The following ACY3 variants were observed in gnomAD, a reference collection of about 807,000 sequenced individuals.
The protein encoded by ACY3 is N-acyl-aromatic-L-amino acid amidohydrolase (carboxylate-forming).
A neutral mutation model predicts 24.6 loss-of-function variants in ACY3; 20 were observed. The observed-to-expected ratio is 0.81, with a 90% CI of 0.57 to 1.18. The LOEUF (loss-of-function observed/expected upper bound fraction) is 1.18. ACY3 is among the 50% of genes most tolerant of loss of function. The pLI is 0.00. For missense variants in ACY3, 423 were observed against 426.8 expected (o/e 0.99, Z 0.08); for synonymous variants, 174 against 188.4 (o/e 0.92, Z 0.62).
chr11:67,644,828 C>T lies in ACY3; in HGVS notation c.676G>A (p.Val226Met), dbSNP rs1381952209. 59 of 1,584,596 alleles carry T rather than the reference C, an allele frequency of 3.7e-5. No homozygotes were observed. The highest frequency in any genetic ancestry group is 4.6e-5 in the East Asian group (2 of 43,138). The change falls in exon 7 of 8, where the codon GTG (valine) becomes ATG (methionine). Residue 226 changes from valine to methionine, a missense_variant. Val to Met is a conservative substitution (Grantham distance 21). Transcript: ENST00000255082. ...GTGCGGGGGAAGTCCACGACGCCCA[C>T]GGGTCTATAGGCTTCCATCTCAAAG... Reference protein sequence around the residue: ...PAFEMEAYRPVGVVDFPRTEA... With the variant: ...PAFEMEAYRPMGVVDFPRTEA...
intron 1 of ACY3, among the ~76,000 whole-genome samples, chr11:67,648,462 A>G (rs1855556810): frequency 6.6e-6 from 1 of 152,064 alleles, no homozygotes; most frequent in Admixed American, 6.5e-5. Flanking sequence ...ACCTCCCACC[A>G]GGCTCAGCTG....
intron 7 of ACY3, 24 bp from the exon 8 acceptor site, chr11:67,642,963 G>A: frequency 6.2e-7 from 1 of 1,605,224 alleles, no homozygotes; most frequent in Non-Finnish European, 8.5e-7. Context: ...CAAAGGCCAA[G>A]ATTGCTGGGG....
intron 1 of ACY3, among the ~76,000 whole-genome samples, chr11:67,649,167 T>C (rs948446): frequency 0.11 from 16,229 of 152,174 alleles, 1,687 homozygotes; most frequent in African/African-American, 0.27. Context: ...GGTCTGTTCC[T>C]TCCTTGCTTG....
chr11:67,642,995 A>G, intron 7 of ACY3, 56 bp from the exon 8 acceptor site: 1 of 1,538,598 alleles, frequency 6.5e-7, no homozygotes, highest in South Asian at 1.2e-5. Context: ...CTGGCCCCAG[A>G]GGGGGGTGAC....
At chr11:67,649,095 G>A (rs1855568715) in intron 1 of ACY3, among the ~76,000 whole-genome samples, 1 of 152,198 alleles carries the variant, frequency 6.6e-6, no homozygotes, top group South Asian at 2.1e-4. Context: ...GGGGTTGGGT[G>A]ACTTGACTGA....
chr11:67,646,670 C>G, intron 3 of ACY3, 138 bp downstream of exon 3: 1 of 866,860 alleles, frequency 1.2e-6, no homozygotes, highest in Admixed American at 2.5e-5. Context: ...CGGTTTGTCC[C>G]GTGGAGGAAT....
chr11:67,642,853 C>T lies in ACY3; in HGVS notation c.831G>A (p.Thr277=), dbSNP rs143710293. 77 of 1,614,066 alleles carry T rather than the reference C, an allele frequency of 4.8e-5. No individual in the cohort carries two copies. Among genetic ancestry groups the T allele is most frequent in the African/African-American group, 4.5e-4 (34 of 75,042 alleles). The part of the protein sequence containing the change: ...GEDLLYEGES[T]VYPVFINEAA... ...CCTCGTTAATGAACACGGGGTACACCGTGGACTCTCCCTCATAGAGCAGGT... is the reference window on the plus strand; with the variant it reads ...CCTCGTTAATGAACACGGGGTACACTGTGGACTCTCCCTCATAGAGCAGGT... Residue 277 remains threonine (T), a synonymous_variant, in exon 8 of 8, where the codon ACG becomes ACA. Coordinates refer to ENST00000255082, the MANE Select transcript of ACY3 (RefSeq NM_080658.2).
chr11:67,645,640 T>A, intron 4 of ACY3, 52 bp downstream of exon 4: 3 of 1,512,772 alleles, frequency 2.0e-6, no homozygotes, highest in Non-Finnish European at 2.7e-6. Flanking sequence ...CCGCCTGCCC[T>A]CCCTCCCTCC....
In ACY3 at chr11:67,642,750, T is replaced by A. The variant is rs778125820; in HGVS notation, c.934A>T (p.Thr312Ser). The A allele has an allele frequency of 1.2e-6, 2 of 1,613,846 alleles. No individual in the cohort carries two copies. Among genetic ancestry groups the A allele is most frequent in the South Asian group, 1.1e-5 (1 of 91,062 alleles). ...TFTVPAMPAL[T>S]PAPSPAS ...TAGGAAGCTGGGCTCGGGGCAGGGG[T>A]CAGCGCGGGCATGGCAGGCACGGTG... Residue 312 changes from threonine (T) to serine (S), a missense_variant, in exon 8 of 8, where the codon ACC becomes TCC. By Grantham distance (58) the Thr-to-Ser change is moderately conservative. Coordinates refer to ENST00000255082, the MANE Select transcript of ACY3 (RefSeq NM_080658.2).
At position 67,645,376 on chromosome 11, in the gene ACY3, T is replaced by A. The variant is rs750492034; in HGVS notation, c.437A>T (p.Gln146Leu). The A allele has an allele frequency of 6.2e-7, 1 of 1,613,280 alleles. No homozygotes were observed. The highest frequency in any genetic ancestry group is 1.1e-5 in the South Asian group (1 of 90,952). ...AMHLCRHLQL[Q>L]YPELSCQVFL... ...GACCTGGCAGGACAGCTCGGGGTAC[T>A]GCAGCTGGGGGCGAGAGAGGCAGGT... Residue 146 changes from glutamine (Q) to leucine (L), a missense_variant, in exon 5 of 8, where the codon CAG becomes CTG. Gln to Leu is a moderately radical substitution (Grantham distance 113). Transcript: ENST00000255082.
rs768891316 is a variant in ACY3 at position 67,645,081 on chromosome 11, C to CCA, written c.596_597dup (p.Ala200TrpfsTer113). ...AGTTCGATGAAGTCCAGAACTGTGG[C>CCA]CACCAGGGTCCTCATCCTTGAGAAA... is the stretch of plus-strand genomic sequence containing the variant. On this transcript the variant is annotated frameshift_variant, in exon 6 of 8. Transcript: ENST00000255082. LOFTEE classifies it high-confidence loss of function. The CCA allele has an allele frequency of 1.9e-6, 3 of 1,613,758 alleles. No individual in the cohort carries two copies. The highest frequency in any genetic ancestry group is 2.7e-5 in the African/African-American group (2 of 74,928).
At chr11:67,646,388 T>C (rs898930219) in intron 3 of ACY3, among the ~76,000 whole-genome samples, 1 of 152,182 alleles carries the variant, frequency 6.6e-6, no homozygotes, top group Non-Finnish European at 1.5e-5. Flanking sequence ...TCTTCCTCTG[T>C]CTCCCCATTA....
intron 7 of ACY3, 88 bp downstream of exon 7, chr11:67,644,672 G>T: frequency 7.7e-7 from 1 of 1,295,406 alleles, no homozygotes; most frequent in Non-Finnish European, 1.1e-6. Flanking sequence ...CACCCCCTGG[G>T]GCTCAGTTTT....
At chr11:67,644,521 A>G (rs1336659726) in intron 7 of ACY3, among the ~76,000 whole-genome samples, 3 of 152,138 alleles carry the variant, frequency 2.0e-5, no homozygotes, top group African/African-American at 4.8e-5. Flanking sequence ...AGCTATGGGG[A>G]TCACTGTGGC....
intron 7 of ACY3, among the ~76,000 whole-genome samples, chr11:67,644,080 G>A (rs909815654): frequency 6.6e-6 from 1 of 152,156 alleles, no homozygotes; most frequent in African/African-American, 2.4e-5. Flanking sequence ...CGTCTGCAAG[G>A]TAGCTGGGCA....
rs745558815 is a variant in ACY3 at position 67,645,709 on chromosome 11, G to A, written c.415C>T (p.Leu139=). The A allele has an allele frequency of 1.9e-6, 3 of 1,608,874 alleles. No individual in the cohort carries two copies. In the South Asian group the frequency reaches 3.3e-5, roughly 18 times the overall value. Residue 139 remains leucine, a synonymous_variant, in exon 4 of 8, where the codon CTG becomes TTG. Coordinates refer to ENST00000255082, the MANE Select transcript of ACY3 (RefSeq NM_080658.2). ...GGGGCCACCTGCAGATGGCGGCACA[G>A]GTGCATGGCAAAGACTTCGTGGGAG... The part of the protein sequence containing the change: ...KSSHEVFAMH[L]CRHLQLQYPE...
chr11:67,644,507 C>T (rs1212310880), intron 7 of ACY3, among the ~76,000 whole-genome samples: 1 of 152,226 alleles, frequency 6.6e-6, no homozygotes, highest in Non-Finnish European at 1.5e-5. Context: ...ATGCCCTCCA[C>T]AGGAGCTATG....
intron 4 of ACY3, 152 bp from the exon 5 acceptor site, chr11:67,645,532 G>T: frequency 3.3e-6 from 4 of 1,226,572 alleles, no homozygotes; most frequent in Non-Finnish European, 4.5e-6. Flanking sequence ...GGTACCGGGG[G>T]CCTGGAGTGC....
In ACY3 at chr11:67,642,754, C is replaced by T. The variant is rs752171276; in HGVS notation, c.930G>A (p.Ala310=). The T allele has an allele frequency of 2.4e-5, 39 of 1,613,946 alleles. No individual in the cohort carries two copies. The highest frequency in any genetic ancestry group is 1.6e-4 in the Middle Eastern group (1 of 6,084). The change falls in exon 8 of 8, where the codon GCG becomes GCA. Residue 310 remains alanine, a synonymous_variant. Transcript: ENST00000255082. The part of the protein sequence containing the change: ...KFTFTVPAMP[A]LTPAPSPAS ...AAGCTGGGCTCGGGGCAGGGGTCAGCGCGGGCATGGCAGGCACGGTGAATG... is the reference window on the plus strand; with the variant it reads ...AAGCTGGGCTCGGGGCAGGGGTCAGTGCGGGCATGGCAGGCACGGTGAATG...
Sources: gnomAD v4.1 joint callset for allele counts (sites outside exome capture counted in the v4.1 genomes callset) on GRCh38, gnomAD v4.1.1 for gene constraint, MANE v1.5 for transcripts, NCBI Gene and HGNC (gene_info 2026-07-23, HGNC 2026-07-21) for gene names.